The following ADAM22 variants were observed in gnomAD, a reference collection of about 807,000 sequenced individuals.
The protein encoded by ADAM22 is disintegrin and metalloproteinase domain-containing protein 22.
Under a neutral mutation model 144.6 loss-of-function variants are expected in ADAM22, and 65 were observed. The ratio of observed to expected loss-of-function variants is 0.45; its 90% CI spans 0.37 to 0.55. ADAM22 has a LOEUF of 0.55. Among genes scored for constraint, ADAM22 ranks in the 20% least tolerant of loss-of-function variants. ADAM22 has a pLI of 0.00. For missense variants in ADAM22, 974 were observed against 1,184.9 expected (o/e 0.82, Z 2.61); for synonymous variants, 391 against 412.6 (o/e 0.95, Z 0.63).
chr7:88,048,506 A>T (rs1013299140), intron 3 of ADAM22, among the ~76,000 whole-genome samples: 5 of 152,134 alleles, frequency 3.3e-5, no homozygotes, highest in African/African-American at 1.2e-4. Context: ...ATCTTTTAAA[A>T]TACTTGTTTA....
intron 2 of ADAM22, among the ~76,000 whole-genome samples, chr7:87,940,181 CAAAAAAA>C (rs35309253): frequency 1.3e-5 from 1 of 76,024 alleles, no homozygotes; most frequent in Non-Finnish European, 2.7e-5. Context: ...GTCTTTATCT[CAAAAAAA>C]AAAAAAAAAA....
At chr7:88,153,745 A>C (rs566238213) in intron 21 of ADAM22, among the ~76,000 whole-genome samples, 2 of 152,178 alleles carry the variant, frequency 1.3e-5, no homozygotes, top group Non-Finnish European at 2.9e-5. Context: ...TTCCCTCTAC[A>C]CATTGTCCAA....
chr7:88,163,203 G>A, intron 23 of ADAM22, 23 bp downstream of exon 23: 1 of 1,544,568 alleles, frequency 6.5e-7, no homozygotes. Flanking sequence ...TACCTTGTCA[G>A]AATCTATTTC....
intron 30 of ADAM22, among the ~76,000 whole-genome samples, chr7:88,188,346 T>C (rs1371897108): frequency 6.6e-6 from 1 of 152,000 alleles, no homozygotes; most frequent in Non-Finnish European, 1.5e-5. Flanking sequence ...AGCACCCAGG[T>C]CTGCCCAGAA....
Position 87,978,366 on chromosome 7 carries a change from G to A in ADAM22, c.277G>A (p.Val93Ile), listed in dbSNP as rs1422276621. 15 of 1,613,388 alleles carry A rather than the reference G, an allele frequency of 9.3e-6. No individual in the cohort carries two copies. Among genetic ancestry groups the A allele is most frequent in the Non-Finnish European group, 1.3e-5 (15 of 1,179,744 alleles). Residue 93 changes from valine (V) to isoleucine (I), a missense_variant, in exon 3 of 32, where the codon GTT (valine) becomes ATT (isoleucine). This residue lies in a region of ADAM22 where 240 missense variants were observed against 234.3 expected (regional missense o/e 1.02). Transcript: ENST00000413139. The stretch of plus-strand genomic sequence containing the variant: ...TCATGTTGACCAAGCAAGCTTCCAG[G>A]TTGATGCCTTTGGAACGTCATTCAT... ...LTHVDQASFQ[V>I]DAFGTSFILD... is the part of the protein sequence containing the mutation.
chr7:87,949,103 T>G (rs1844409590), intron 2 of ADAM22, among the ~76,000 whole-genome samples: 1 of 152,212 alleles, frequency 6.6e-6, no homozygotes, highest in East Asian at 1.9e-4. Flanking sequence ...TCATTCTACT[T>G]TTATGGCTAA....
intron 21 of ADAM22, 21 bp downstream of exon 21, chr7:88,153,347 C>G: frequency 1.3e-6 from 2 of 1,579,750 alleles, no homozygotes; most frequent in Non-Finnish European, 1.7e-6. Context: ...GACGTCAGCC[C>G]AGAATTCATC....
At chr7:88,111,127 T>C (rs1415308622) in intron 5 of ADAM22, among the ~76,000 whole-genome samples, 1 of 152,074 alleles carries the variant, frequency 6.6e-6, no homozygotes, top group Admixed American at 6.6e-5. Flanking sequence ...ATTGTCAGAA[T>C]TGTGTATGAC....
chr7:88,169,981 C>T (rs576506784), intron 25 of ADAM22, among the ~76,000 whole-genome samples: 6 of 152,166 alleles, frequency 3.9e-5, no homozygotes, highest in South Asian at 2.1e-4. Flanking sequence ...GAAACCTAAA[C>T]GCTCATATTA....
intron 14 of ADAM22, among the ~76,000 whole-genome samples, chr7:88,141,871 G>A (rs1014802028): frequency 1.3e-5 from 2 of 151,540 alleles, no homozygotes; most frequent in Non-Finnish European, 2.9e-5. Flanking sequence ...ATCTTTGTTC[G>A]TACATCTTTG....
At chr7:87,935,774 T>C (rs1015531668) in intron 2 of ADAM22, among the ~76,000 whole-genome samples, 16 of 152,236 alleles carry the variant, frequency 1.1e-4, no homozygotes, top group South Asian at 4.1e-4. Flanking sequence ...GCAGTTCTCT[T>C]GGTTTAATTA....
chr7:88,138,015 G>A lies in ADAM22; in HGVS notation c.1220+1984G>A, dbSNP rs189483473. On this transcript the variant is annotated intron_variant, in intron 14 of 31. Coordinates refer to ENST00000413139, the MANE Select transcript of ADAM22 (RefSeq NM_001324418.2). ...CAAAAAATACAAAAATTAACCAGTCGTGGTGGCACACACCTGTAGTCCCAG... is the reference window on the plus strand; with the variant it reads ...CAAAAAATACAAAAATTAACCAGTCATGGTGGCACACACCTGTAGTCCCAG... 4.1e-3 allele frequency among the ~76,000 whole-genome samples: 626 copies of A among 152,120 alleles called. 3 individuals are homozygous for A. The highest frequency in any genetic ancestry group is 0.014 in the African/African-American group (588 of 41,500).
chr7:88,160,081 A>G (rs773084137), intron 22 of ADAM22, among the ~76,000 whole-genome samples: 39 of 152,182 alleles, frequency 2.6e-4, no homozygotes, highest in Non-Finnish European at 3.7e-4. Flanking sequence ...TCAGCATACA[A>G]AAATCACTAG....
intron 3 of ADAM22, among the ~76,000 whole-genome samples, chr7:88,045,217 C>A (rs910937789): frequency 6.6e-6 from 1 of 152,220 alleles, no homozygotes; most frequent in South Asian, 2.1e-4. Context: ...AGGGTTTCAC[C>A]ATGTTGGCCA....
rs1462848955 is a variant in ADAM22 at position 88,024,116 on chromosome 7, C to T, written c.323+45704C>T. ...TGTGGTTGGACACTTAGATTGCTTC[C>T]AAATCTTGGCTATTGGGAATACTGC... On this transcript the variant is annotated intron_variant, in intron 3 of 31. Coordinates refer to ENST00000413139, the MANE Select transcript of ADAM22 (RefSeq NM_001324418.2). 2.0e-5 allele frequency among the ~76,000 whole-genome samples: 3 copies of T among 152,010 alleles called. No homozygotes were observed. In the East Asian group the frequency reaches 5.8e-4, roughly 29 times the overall value.
chr7:88,083,551 C>CTTTGACTA (rs1023131247), intron 4 of ADAM22, among the ~76,000 whole-genome samples: 2 of 150,254 alleles, frequency 1.3e-5, no homozygotes, highest in Non-Finnish European at 3.0e-5. Flanking sequence ...GTTATCAACA[C>CTTTGACTA]TTTGACTATC....
intron 2 of ADAM22, among the ~76,000 whole-genome samples, chr7:87,956,325 G>C (rs567876774): frequency 6.6e-6 from 1 of 152,164 alleles, no homozygotes; most frequent in African/African-American, 2.4e-5. Flanking sequence ...ACTTGTGGTG[G>C]AGAGGAGACC....
chr7:87,981,570 G>A (rs1853429018), intron 3 of ADAM22, among the ~76,000 whole-genome samples: 1 of 152,086 alleles, frequency 6.6e-6, no homozygotes, highest in African/African-American at 2.4e-5. Flanking sequence ...AGAGAGAGAA[G>A]CAGAAGCAGG....
intron 3 of ADAM22, among the ~76,000 whole-genome samples, chr7:88,017,385 A>ATTAT (rs1796767232): frequency 6.6e-6 from 1 of 152,196 alleles, no homozygotes; most frequent in African/African-American, 2.4e-5. Flanking sequence ...CATCCCATAA[A>ATTAT]TATGTATAAT....
Sources: allele counts gnomAD v4.1 joint callset (sites outside exome capture counted in the v4.1 genomes callset), GRCh38; gene constraint gnomAD v4.1.1; regional missense constraint gnomAD v4.1.1; transcripts MANE v1.5; gene names NCBI Gene and HGNC (gene_info 2026-07-23, HGNC 2026-07-21).